Variants in PDE4D observed in about 807,000 individuals in gnomAD.
PDE4D encodes the protein 3',5'-cyclic-AMP phosphodiesterase 4D.
PDE4D carries 24 observed loss-of-function variants against 87.4 expected under a neutral mutation model. The ratio of observed to expected loss-of-function variants is 0.27; its 90% CI spans 0.20 to 0.39. The LOEUF is 0.39. Ranked by LOEUF, PDE4D falls within the 10% of genes least tolerant of loss-of-function variation. PDE4D has a pLI of 1.00. For synonymous variants in PDE4D, 384 were observed against 383.2 expected (o/e 1.00, Z -0.02); for missense variants, 714 against 1,041.0 (o/e 0.69, Z 4.32).
intron 5 of PDE4D, among the ~76,000 whole-genome samples, chr5:59,065,087 C>T (rs1323261647): frequency 0.081 from 6,233 of 77,146 alleles, 606 homozygotes; most frequent in African/African-American, 0.2. Context: ...CACACACACA[C>T]ACACACACAC....
chr5:60,279,231 A>G (rs912942970), intron 1 of PDE4D, among the ~76,000 whole-genome samples: 2 of 152,200 alleles, frequency 1.3e-5, no homozygotes, highest in African/African-American at 2.4e-5. Context: ...ATCATAGGGC[A>G]GTGGTGAAGG....
intron 5 of PDE4D, among the ~76,000 whole-genome samples, chr5:59,046,985 C>A (rs979449745): frequency 6.6e-6 from 1 of 152,158 alleles, no homozygotes; most frequent in Non-Finnish European, 1.5e-5. Context: ...AGCTACTAAT[C>A]TTTCTAGGGC....
intron 1 of PDE4D, among the ~76,000 whole-genome samples, chr5:60,227,021 C>T (rs1745191850): frequency 6.6e-6 from 1 of 152,030 alleles, no homozygotes; most frequent in Non-Finnish European, 1.5e-5. Flanking sequence ...AACAAACCAC[C>T]TATTTTTTGA....
At chr5:59,741,622 G>C (rs1269778331) in intron 1 of PDE4D, among the ~76,000 whole-genome samples, 1 of 152,044 alleles carries the variant, frequency 6.6e-6, no homozygotes. Context: ...CAAATCATAG[G>C]ATATGAAGAA....
intron 3 of PDE4D, among the ~76,000 whole-genome samples, chr5:59,899,555 T>C (rs1752015566): frequency 6.6e-6 from 1 of 152,044 alleles, no homozygotes; most frequent in South Asian, 2.1e-4. Context: ...TTTCTTTTAA[T>C]TAGAGAAATA....
At chr5:59,328,266 A>G (rs1483305967) in intron 1 of PDE4D, among the ~76,000 whole-genome samples, 1 of 152,106 alleles carries the variant, frequency 6.6e-6, no homozygotes, top group Non-Finnish European at 1.5e-5. Flanking sequence ...TGTGTACTGC[A>G]GTTTTCACAT....
chr5:60,282,238 T>TATATATATATATATATATATATATA (rs202140336), intron 1 of PDE4D, among the ~76,000 whole-genome samples: 4 of 140,756 alleles, frequency 2.8e-5, no homozygotes, highest in African/African-American at 5.4e-5. Context: ...TATATATATA[T>TATATATATATATATATATATATATA]TTCTCAAAAT....
At chr5:60,032,794 GTAGAGCAAAAGATA>G (rs1767384760) in intron 2 of PDE4D, 1 of 152,146 alleles carries the variant, frequency 6.6e-6, no homozygotes, top group Non-Finnish European at 1.5e-5. Flanking sequence ...AGGGAAGGAT[GTAGAGCAAAAGATA>G]TGCATAAACT....
chr5:60,432,354 G>T (rs37687), intron 1 of PDE4D, among the ~76,000 whole-genome samples: 41,490 of 151,964 alleles, frequency 0.27, 5,779 homozygotes, highest in South Asian at 0.44. Flanking sequence ...TATATGTCTG[G>T]TAGAATTTTG....
chr5:59,250,312 AC>A (rs544202976), intron 1 of PDE4D, among the ~76,000 whole-genome samples: 943 of 77,678 alleles, frequency 0.012, 4 homozygotes, highest in Non-Finnish European at 0.016. Context: ...CACTGTCTCT[AC>A]AAAAAAAAAA....
rs528776028 is a variant in PDE4D, at chr5:59,581,750, A to G, written c.455+311418T>C. Among the ~76,000 whole-genome samples the G allele has an allele frequency of 1.2e-3, 179 of 152,348 alleles. 1 individual carries two copies. The highest frequency in any genetic ancestry group is 3.4e-3 in the Middle Eastern group (1 of 294). On this transcript the variant is annotated intron_variant, in intron 1 of 14. Coordinates refer to ENST00000340635, the MANE Select transcript of PDE4D (RefSeq NM_001104631.2). The stretch of plus-strand genomic sequence containing the variant: ...AAACACTAAAACATAAACATTTGTA[A>G]TTTCATTTTTAAATTCCAAGGTATT...
intron 3 of PDE4D, among the ~76,000 whole-genome samples, chr5:59,938,764 C>T (rs1176667336): frequency 2.0e-5 from 3 of 152,176 alleles, no homozygotes; most frequent in African/African-American, 4.8e-5. Flanking sequence ...CTTTCAGCCT[C>T]GTTCAATTAT....
chr5:59,113,323 C>T (rs1024882374), intron 5 of PDE4D, among the ~76,000 whole-genome samples: 2 of 152,282 alleles, frequency 1.3e-5, no homozygotes, highest in African/African-American at 4.8e-5. Context: ...GAATAATTCA[C>T]ATTTCTGAAC....
At chr5:59,052,821 A>G (rs1043657182) in intron 5 of PDE4D, among the ~76,000 whole-genome samples, 1 of 152,228 alleles carries the variant, frequency 6.6e-6, no homozygotes, top group East Asian at 1.9e-4. Flanking sequence ...TCTAAAAATC[A>G]TATATTCATA....
intron 1 of PDE4D, among the ~76,000 whole-genome samples, chr5:59,315,761 A>C (rs1258816262): frequency 6.6e-6 from 1 of 152,198 alleles, no homozygotes; most frequent in Non-Finnish European, 1.5e-5. Context: ...GCACTAGACC[A>C]GTAAAGGAAA....
At chr5:60,178,693 CTTG>C (rs1784137320) in intron 2 of PDE4D, among the ~76,000 whole-genome samples, 1 of 152,016 alleles carries the variant, frequency 6.6e-6, no homozygotes, top group African/African-American at 2.4e-5. Flanking sequence ...ACATTTAAAG[CTTG>C]TTGTTTCTTG....
chr5:59,319,365 A>G (rs1190178729), intron 1 of PDE4D, among the ~76,000 whole-genome samples: 1 of 152,132 alleles, frequency 6.6e-6, no homozygotes, highest in Non-Finnish European at 1.5e-5. Context: ...TTTTAAAGCA[A>G]ATGGAATCCA....
intron 4 of PDE4D, 83 bp from the exon 5 acceptor site, chr5:59,180,727 A>G (rs896466045): frequency 8.0e-7 from 1 of 1,246,148 alleles, no homozygotes; most frequent in Non-Finnish European, 1.2e-6. Flanking sequence ...CAGATATAGC[A>G]TTTTACTTTA....
At chr5:59,811,840 G>A (rs1768385667) in intron 1 of PDE4D, among the ~76,000 whole-genome samples, 3 of 151,990 alleles carry the variant, frequency 2.0e-5, no homozygotes, top group Admixed American at 6.5e-5. Context: ...AACCTCCTTT[G>A]TATGATATGG....
Sources: gnomAD v4.1 joint callset for allele counts (sites outside exome capture counted in the v4.1 genomes callset) on GRCh38, gnomAD v4.1.1 for gene constraint, MANE v1.5 for transcripts, NCBI Gene and HGNC (gene_info 2026-07-23, HGNC 2026-07-21) for gene names.